Variants in MECOM observed in about 807,000 individuals in gnomAD.
MECOM encodes histone-lysine N-methyltransferase MECOM.
Under a neutral mutation model 116.3 loss-of-function variants are expected in MECOM, and 13 were observed. That is an observed-to-expected ratio of 0.11 (90% CI 0.07 to 0.18). MECOM has a LOEUF of 0.18. MECOM is among the 10% of genes least tolerant of loss of function. The pLI is 1.00. For synonymous variants in MECOM, 528 were observed against 535.2 expected (o/e 0.99, Z 0.19); for missense variants, 1,299 against 1,509.0 (o/e 0.86, Z 2.31).
chr3:169,188,410 C>A (rs1237774249), intron 2 of MECOM, among the ~76,000 whole-genome samples: 1 of 151,502 alleles, frequency 6.6e-6, no homozygotes, highest in East Asian at 1.9e-4. Flanking sequence ...TGGAGAGGAC[C>A]AGAAGAAAAA....
chr3:169,557,992 G>T (rs1182729969), intron 1 of MECOM, among the ~76,000 whole-genome samples: 10 of 152,092 alleles, frequency 6.6e-5, no homozygotes, highest in Admixed American at 6.6e-4. Flanking sequence ...GTCATAAGCT[G>T]GTCATACAAA....
At chr3:169,517,584 A>G (rs1488997250) in intron 1 of MECOM, among the ~76,000 whole-genome samples, 3 of 152,232 alleles carry the variant, frequency 2.0e-5, no homozygotes, top group Non-Finnish European at 4.4e-5. Flanking sequence ...TCAGCCTAAA[A>G]CATACCCTGA....
Position 169,611,311 on chromosome 3 carries a change from T to C in MECOM, c.37+52025A>G, listed in dbSNP as rs114952350. On this transcript the variant is annotated intron_variant, in intron 1 of 16. Coordinates refer to ENST00000651503, the MANE Select transcript of MECOM (RefSeq NM_004991.4). This position sits in a 1 kb window ranked among gnomAD's most constrained non-coding sequence, Gnocchi z 4.1. ...ATTTGTACATTATGCCGAATCATAA[T>C]ACAGGCCTTGTACTTCTGCCTCAGC... Among the ~76,000 whole-genome samples, 1,519 of 152,336 alleles carry C rather than the reference T, an allele frequency of 1.0e-2. 27 individuals are homozygous for C. Among genetic ancestry groups the C allele is most frequent in the African/African-American group, 0.035 (1,445 of 41,582 alleles).
intron 2 of MECOM, among the ~76,000 whole-genome samples, chr3:169,192,125 G>A (rs573391408): frequency 6.6e-6 from 1 of 152,132 alleles, no homozygotes; most frequent in East Asian, 1.9e-4. Context: ...ACAGCCAACA[G>A]TTTATTATAA....
intron 2 of MECOM, among the ~76,000 whole-genome samples, chr3:169,311,729 T>G (rs1391604962): frequency 1.3e-5 from 2 of 152,168 alleles, no homozygotes; most frequent in African/African-American, 4.8e-5. Flanking sequence ...TTTCTCTAAA[T>G]TTTTAAAATG....
chr3:169,182,147 GTAAC>G (rs991012283), intron 2 of MECOM, among the ~76,000 whole-genome samples: 5 of 152,202 alleles, frequency 3.3e-5, no homozygotes, highest in Admixed American at 2.0e-4. Context: ...ACCTCTGAAA[GTAAC>G]TAGTTGAAAG....
intron 2 of MECOM, among the ~76,000 whole-genome samples, chr3:169,155,629 A>G (rs1379144028): frequency 2.6e-5 from 4 of 152,226 alleles, no homozygotes; most frequent in African/African-American, 2.4e-5. Flanking sequence ...AAAAACTCCA[A>G]TGGATCCCAA....
intron 1 of MECOM, among the ~76,000 whole-genome samples, chr3:169,652,786 T>A (rs966260477): frequency 6.6e-6 from 1 of 152,202 alleles, no homozygotes; most frequent in Non-Finnish European, 1.5e-5. Flanking sequence ...AGCAAAATGC[T>A]TGACACCATG....
intron 1 of MECOM, among the ~76,000 whole-genome samples, chr3:169,515,422 ATAT>A (rs761119156): frequency 3.0e-4 from 46 of 152,210 alleles, no homozygotes; most frequent in Non-Finnish European, 5.1e-4. Context: ...TATAAAGTAA[ATAT>A]TATTATCACC....
chr3:169,177,493 C>T (rs1014897251), intron 2 of MECOM, among the ~76,000 whole-genome samples: 2 of 151,750 alleles, frequency 1.3e-5, no homozygotes, highest in African/African-American at 4.8e-5. Flanking sequence ...GGGGAAGGAA[C>T]TTAGAGGACA....
intron 2 of MECOM, among the ~76,000 whole-genome samples, chr3:169,261,936 G>A (rs1010335706): frequency 6.6e-6 from 1 of 152,160 alleles, no homozygotes; most frequent in African/African-American, 2.4e-5. Flanking sequence ...GCTACAAAGA[G>A]GCCATTTTAA....
At chr3:169,333,878 C>T (rs574943506) in intron 2 of MECOM, among the ~76,000 whole-genome samples, 9 of 139,998 alleles carry the variant, frequency 6.4e-5, no homozygotes, top group African/African-American at 2.2e-4. Flanking sequence ...CCTTCCTTCT[C>T]TCCTTCCTTC....
chr3:169,083,867 T>A lies in MECOM; in HGVS notation c.*1042A>T, dbSNP rs1041228862. 1 of 219,032 alleles carries A rather than the reference T, an allele frequency of 4.6e-6. No individual in the cohort carries two copies. The highest frequency in any genetic ancestry group is 2.2e-5 in the African/African-American group (1 of 44,656). The allele number at this position is 219,032 out of a possible 1,614,324, so 13.6% of individuals were successfully genotyped here. ...AAAGAAATTATAATCGTTTATACAATTGAATCGATTTCAGTATTACAAAAA... is the reference window on the plus strand; with the variant it reads ...AAAGAAATTATAATCGTTTATACAAATGAATCGATTTCAGTATTACAAAAA... On this transcript the variant is annotated 3_prime_UTR_variant, in exon 17 of 17. Transcript: ENST00000651503.
chr3:169,533,911 C>A (rs1758996424), intron 1 of MECOM, among the ~76,000 whole-genome samples: 1 of 152,126 alleles, frequency 6.6e-6, no homozygotes, highest in African/African-American at 2.4e-5. Flanking sequence ...GATAGTAATC[C>A]ATTTTATTTA....
chr3:169,092,884 G>A, intron 14 of MECOM, 74 bp downstream of exon 14: 1 of 1,569,386 alleles, frequency 6.4e-7, no homozygotes, highest in Non-Finnish European at 8.7e-7. Flanking sequence ...CCACAAAAGT[G>A]AGCATAGCAA....
chr3:169,368,141 A>AT (rs999099835), intron 2 of MECOM, among the ~76,000 whole-genome samples: 2 of 151,992 alleles, frequency 1.3e-5, no homozygotes, highest in African/African-American at 4.8e-5. Flanking sequence ...GCCCTTTGTG[A>AT]TTTTTTAGCT....
At chr3:169,130,796 T>C (rs1734445040) in intron 4 of MECOM, among the ~76,000 whole-genome samples, 1 of 147,012 alleles carries the variant, frequency 6.8e-6, no homozygotes, top group Non-Finnish European at 1.5e-5. Context: ...AAAATATATA[T>C]TAAATTTCCA....
chr3:169,570,300 A>G (rs1227191357), intron 1 of MECOM, among the ~76,000 whole-genome samples: 2 of 152,230 alleles, frequency 1.3e-5, no homozygotes, highest in Non-Finnish European at 2.9e-5. Flanking sequence ...GAGAAGTCAA[A>G]TCCCTGAATA....
At chr3:169,509,645 A>G (rs962818839) in intron 1 of MECOM, among the ~76,000 whole-genome samples, 2 of 152,210 alleles carry the variant, frequency 1.3e-5, no homozygotes, top group African/African-American at 4.8e-5. Context: ...ATCCCTTAGC[A>G]TAATGTTCTA....
Sources: gnomAD v4.1 joint callset for allele counts (sites outside exome capture counted in the v4.1 genomes callset) on GRCh38, gnomAD v4.1.1 for gene constraint, Gnocchi (gnomAD v3.1) non-coding constraint, MANE v1.5 for transcripts, NCBI Gene and HGNC (gene_info 2026-07-23, HGNC 2026-07-21) for gene names.